The following POLR2M variants were observed in gnomAD, a reference collection of about 807,000 sequenced individuals.
POLR2M encodes RNA polymerase II subunit M.
POLR2M carries 30 observed loss-of-function variants against 34.6 expected under a neutral mutation model. That is an observed-to-expected ratio of 0.87 (90% CI 0.65 to 1.18). The LOEUF (loss-of-function observed/expected upper bound fraction) is 1.18. Among genes scored for constraint, POLR2M ranks in the 50% most tolerant of loss-of-function variants. The probability of loss-of-function intolerance (pLI) is 0.00; values close to 1 mark genes in which losing one functional copy is unlikely to be tolerated. For synonymous variants in POLR2M, 150 were observed against 166.7 expected (o/e 0.90, Z 0.77); for missense variants, 432 against 448.7 (o/e 0.96, Z 0.34).
At chr15:57,709,498 C>T (rs1211756507) in intron 2 of POLR2M, 140 bp downstream of exon 2, 1 of 978,578 alleles carries the variant, frequency 1.0e-6, no homozygotes, top group Admixed American at 2.8e-5. Flanking sequence ...AGCTTTGAGT[C>T]CAGGAGTTGT....
intron 2 of POLR2M, among the ~76,000 whole-genome samples, chr15:57,710,913 CTTCCTTCTGCAT>C (rs2040684070): frequency 6.6e-6 from 1 of 152,138 alleles, no homozygotes; most frequent in South Asian, 2.1e-4. Flanking sequence ...CCTTTCTGCT[CTTCCTTCTGCAT>C]ACTCTTCTGG....
chr15:57,712,338 C>G, intron 3 of POLR2M, 150 bp downstream of exon 3: 1 of 938,510 alleles, frequency 1.1e-6, no homozygotes. Context: ...CAGAGAGTCA[C>G]AAAGTTGCTA....
chr15:57,706,875 A>G lies in POLR2M; in HGVS notation c.33A>G (p.Gln11=), dbSNP rs755666094. The change falls in exon 1 of 4, where the codon CAA becomes CAG. Residue 11 remains glutamine (Q), a synonymous_variant. Coordinates refer to ENST00000299638, the MANE Select transcript of POLR2M (RefSeq NM_015532.5). Reference sequence around the variant, plus strand: ...CGCTGCCCCGCGGCTTCGAGCCCCAAGCTCCCGAGGACTTGGCGCAGCGGA... The same window carrying G: ...CGCTGCCCCGCGGCTTCGAGCCCCAGGCTCCCGAGGACTTGGCGCAGCGGA... The part of the protein sequence containing the change: MCSLPRGFEP[Q]APEDLAQRSL... 3 of 1,590,728 alleles carry G rather than the reference A, an allele frequency of 1.9e-6. No homozygotes were observed. The highest frequency in any genetic ancestry group is 2.3e-5 in the East Asian group (1 of 43,844).
intron 3 of POLR2M, among the ~76,000 whole-genome samples, chr15:57,714,181 A>G (rs540023278): frequency 1.3e-5 from 2 of 152,224 alleles, no homozygotes; most frequent in South Asian, 2.1e-4. Context: ...TGATAGGTCA[A>G]ATTGTTATGT....
In POLR2M at chr15:57,715,497, G is replaced by A. The variant is rs192485692; in HGVS notation, c.*818G>A. The A allele has an allele frequency of 6.6e-6, 1 of 152,308 alleles. No homozygotes were observed. Among genetic ancestry groups the A allele is most frequent in the African/African-American group, 2.4e-5 (1 of 41,576 alleles). The allele number at this position is 152,308 out of a possible 1,614,324, so 9.4% of individuals were successfully genotyped here. A position where few individuals can be genotyped will look rare whatever the true frequency, so the allele number is the denominator to read the frequency against. On this transcript the variant is annotated 3_prime_UTR_variant, in exon 4 of 4. Transcript: ENST00000299638. Reference sequence around the variant, plus strand: ...GAAGCCCAAGCTAACTGAGCTGGGTGAAGGCTTGTGCATCACCTGGCTTGA... The same window carrying A: ...GAAGCCCAAGCTAACTGAGCTGGGTAAAGGCTTGTGCATCACCTGGCTTGA...
Position 57,712,115 on chromosome 15 carries a change from A to G in POLR2M, c.890A>G (p.His297Arg). The stretch of plus-strand genomic sequence containing the variant: ...ACAGCAGCTCGGCTTCTACCACTTC[A>G]CCATATGCCCACGCAGCTGCTCTCC... ...DITAARLLPL[H>R]HMPTQLLSIE... Residue 297 changes from histidine (H) to arginine (R), a missense_variant, in exon 3 of 4, where the codon CAC becomes CGC. Physicochemically the swap from His to Arg is conservative, Grantham distance 29. Coordinates refer to ENST00000299638, the MANE Select transcript of POLR2M (RefSeq NM_015532.5). 1.2e-6 allele frequency: 2 copies of G among 1,614,160 alleles called. No homozygotes were observed. The highest frequency in any genetic ancestry group is 1.7e-6 in the Non-Finnish European group (2 of 1,180,034).
chr15:57,713,969 C>A (rs1008135876), intron 3 of POLR2M, among the ~76,000 whole-genome samples: 1 of 150,600 alleles, frequency 6.6e-6, no homozygotes, highest in African/African-American at 2.4e-5. Flanking sequence ...CTTGTGAACC[C>A]GGGAACACGC....
intron 2 of POLR2M, among the ~76,000 whole-genome samples, chr15:57,709,859 T>C (rs2040641975): frequency 6.6e-6 from 1 of 152,150 alleles, no homozygotes; most frequent in East Asian, 1.9e-4. Context: ...TGTACTCTCT[T>C]TGATTAGTCT....
chr15:57,712,663 A>C (rs1241737299), intron 3 of POLR2M, among the ~76,000 whole-genome samples: 2 of 152,312 alleles, frequency 1.3e-5, no homozygotes, highest in East Asian at 3.9e-4. Flanking sequence ...GCCAGCAGAC[A>C]GTGAGACACT....
rs180750096 is a variant in POLR2M, at chr15:57,711,597, C to T, written c.759-387C>T. ...AACTTTTCTTAGCCTCCCTGTCTCC[C>T]ACTAGAACTGGCCATTTCCTTATGT... On this transcript the variant is annotated intron_variant, in intron 2 of 3. Coordinates refer to ENST00000299638, the MANE Select transcript of POLR2M (RefSeq NM_015532.5). Among the ~76,000 whole-genome samples the T allele has an allele frequency of 5.9e-5, 9 of 152,332 alleles. No homozygotes were observed. The East Asian group carries it at 1.5e-3, about 26-fold the overall frequency.
Position 57,710,593 on chromosome 15 carries a change from A to G in POLR2M, c.758+1235A>G, listed in dbSNP as rs78534093. On this transcript the variant is annotated intron_variant, in intron 2 of 3. Coordinates refer to ENST00000299638, the MANE Select transcript of POLR2M (RefSeq NM_015532.5). ...TGTGTACAGTGGGGTATCTTTCTTC[A>G]CTTCCAGGATGACATTTTAGAAAAC... 3.8e-3 allele frequency among the ~76,000 whole-genome samples: 579 copies of G among 152,328 alleles called. 4 individuals carry two copies. Among genetic ancestry groups the G allele is most frequent in the African/African-American group, 0.012 (497 of 41,570 alleles).
Position 57,716,173 on chromosome 15 carries a change from T to C in POLR2M, c.*1494T>C, listed in dbSNP as rs2040934741. On this transcript the variant is annotated 3_prime_UTR_variant, in exon 4 of 4. Transcript: ENST00000299638. ...AGTTATGCATTTATATTCTCAAAAA[T>C]GAAATCATAATGTACATTGCTTTGT... 6.6e-6 allele frequency: 1 copy of C among 152,206 alleles called. No individual in the cohort carries two copies. The highest frequency in any genetic ancestry group is 6.5e-5 in the Admixed American group (1 of 15,288). The allele number at this position is 152,206 out of a possible 1,614,324, so 9.4% of individuals were successfully genotyped here. A position where few individuals can be genotyped will look rare whatever the true frequency, so the allele number is the denominator to read the frequency against.
intron 3 of POLR2M, among the ~76,000 whole-genome samples, chr15:57,713,528 G>C (rs1014917773): frequency 2.6e-5 from 4 of 152,076 alleles, no homozygotes; most frequent in Non-Finnish European, 5.9e-5. Context: ...GTTCAAGAAA[G>C]CATGAGAAAA....
At chr15:57,707,314 C>G (rs948030489) in intron 1 of POLR2M, 3 of 732,322 alleles carry the variant, frequency 4.1e-6, no homozygotes, top group Non-Finnish European at 4.7e-6. Flanking sequence ...AGCTTCATCT[C>G]TGGATTCTAA....
rs1334122327 is a variant in POLR2M, at chr15:57,709,050, G to A, written c.450G>A (p.Val150=). 6.2e-7 allele frequency: 1 copy of A among 1,614,096 alleles called. No homozygotes were observed. Residue 150 remains valine (V), a synonymous_variant, in exon 2 of 4, where the codon GTG becomes GTA. Coordinates refer to ENST00000299638, the MANE Select transcript of POLR2M (RefSeq NM_015532.5). ...DEETSEVEYT[V]NKGPASSNRD... is the part of the protein sequence containing the mutation. ...AGACTTCAGAGGTTGAGTACACAGT[G>A]AATAAGGGCCCAGCTTCCAGCAATA...
chr15:57,711,670 A>T (rs2040719575), intron 2 of POLR2M, among the ~76,000 whole-genome samples: 1 of 150,392 alleles, frequency 6.6e-6, no homozygotes, highest in Admixed American at 6.6e-5. Flanking sequence ...CTGGTATTGT[A>T]TTGCACTGAA....
chr15:57,711,845 C>A, intron 2 of POLR2M, 139 bp from the exon 3 acceptor site: 2 of 994,302 alleles, frequency 2.0e-6, no homozygotes, highest in Non-Finnish European at 3.0e-6. Context: ...TTTGTTAGAG[C>A]AATGAATACT....
At chr15:57,711,162 A>G (rs964126436) in intron 2 of POLR2M, among the ~76,000 whole-genome samples, 1 of 152,160 alleles carries the variant, frequency 6.6e-6, no homozygotes, top group Admixed American at 6.5e-5. Context: ...CCCCTAAGGT[A>G]TCTTCGATTT....
In POLR2M at chr15:57,708,764, T is replaced by C. The variant is rs1293679169; in HGVS notation, c.164T>C (p.Phe55Ser). The change falls in exon 2 of 4, where the codon TTT (phenylalanine) becomes TCT (serine). Residue 55 changes from phenylalanine to serine, a missense_variant. Transcript: ENST00000299638. ...PDKGKKIFDS[F>S]AKLKAAIAEC... ...AAAGGTAAAAAGATCTTTGACTCTT[T>C]TGCCAAACTGAAAGCTGCCATTGCA... is the stretch of plus-strand genomic sequence containing the variant. 2 of 1,606,772 alleles carry C rather than the reference T, an allele frequency of 1.2e-6. No individual in the cohort carries two copies. The highest frequency in any genetic ancestry group is 1.7e-6 in the Non-Finnish European group (2 of 1,178,046).
Sources: gnomAD v4.1 joint callset for allele counts (sites outside exome capture counted in the v4.1 genomes callset) on GRCh38, gnomAD v4.1.1 for gene constraint, MANE v1.5 for transcripts, NCBI Gene and HGNC (gene_info 2026-07-23, HGNC 2026-07-21) for gene names.